Variants in MAPK11 observed in about 807,000 individuals in gnomAD.
The protein encoded by MAPK11 is MAP kinase 11.
MAPK11 carries 44 observed loss-of-function variants against 52.2 expected under a neutral mutation model. The ratio of observed to expected loss-of-function variants is 0.84; its 90% CI spans 0.66 to 1.08. The LOEUF is 1.08. MAPK11 is among the 50% of genes least tolerant of loss of function. The pLI, the probability that MAPK11 is intolerant of heterozygous loss-of-function variation, is 0.00. For synonymous variants in MAPK11, 233 were observed against 206.3 expected (o/e 1.13, Z -1.11); for missense variants, 436 against 494.7 (o/e 0.88, Z 1.13).
chr22:50,266,176 TG>T, intron 9 of MAPK11, 49 bp downstream of exon 9: 1 of 1,452,392 alleles, frequency 6.9e-7, no homozygotes, highest in Non-Finnish European at 9.4e-7. Context: ...CCAGAGAGCC[TG>T]GGGGCTCAGC....
Position 50,270,142 on chromosome 22 carries a change from G to A in MAPK11, c.116+35C>T. 2 of 1,157,058 alleles carry A rather than the reference G, an allele frequency of 1.7e-6. No homozygotes were observed. Among genetic ancestry groups the A allele is most frequent in the South Asian group, 1.9e-5 (1 of 51,756 alleles). 71.7% of individuals were successfully genotyped at this position (1,157,058 alleles called of 1,614,324 possible). A position where few individuals can be genotyped will look rare whatever the true frequency, so the allele number is the denominator to read the frequency against. ...GGGACGCGCTCTCCGGCCCGGCCCG[G>A]CCCCCACCCAGCACCCCTTCTGCCC... On this transcript the variant is annotated intron_variant, in intron 1 of 11. Transcript: ENST00000330651. The surrounding 1 kb of genome is among the most constrained non-coding windows in gnomAD (Gnocchi z 6.3).
rs201592296 is a variant in MAPK11, at chr22:50,266,544, G to A, written c.678C>T (p.Ser226=). 5.9e-6 allele frequency: 9 copies of A among 1,517,624 alleles called. No individual in the cohort carries two copies. Among genetic ancestry groups the A allele is most frequent in the East Asian group, 2.3e-5 (1 of 44,018 alleles). The allele number at this position is 1,517,624 out of a possible 1,614,324, so 94.0% of individuals were successfully genotyped here. Residue 226 remains serine (S), a synonymous_variant, in exon 8 of 12, where the codon AGC becomes AGT. Transcript: ENST00000330651. The part of the protein sequence containing the change: ...LLQGKALFPG[S]DYIDQLKRIM... Reference sequence around the variant, plus strand: ...CCCAACCTGGGCCAAGGATACAGTCGCTTCCCGGGAAGAGGGCCTTGCCCT... The same window carrying A: ...CCCAACCTGGGCCAAGGATACAGTCACTTCCCGGGAAGAGGGCCTTGCCCT...
Position 50,267,015 on chromosome 22 carries a change from C to G in MAPK11, c.529G>C (p.Glu177Gln), listed in dbSNP as rs202139039. The G allele has an allele frequency of 6.2e-7, 1 of 1,612,566 alleles. No individual in the cohort carries two copies. Among genetic ancestry groups the G allele is most frequent in the Non-Finnish European group, 8.5e-7 (1 of 1,179,824 alleles). Reference sequence around the variant, plus strand: ...GTGGCCACATAGCCGGTCATCTCCTCGTCCGCCTGGCGCGCCAGCCCAAAA... The same window carrying G: ...GTGGCCACATAGCCGGTCATCTCCTGGTCCGCCTGGCGCGCCAGCCCAAAA... ...LDFGLARQAD[E>Q]EMTGYVATRW... Residue 177 changes from glutamate to glutamine, a missense_variant, in exon 7 of 12, where the codon GAG becomes CAG. Coordinates refer to ENST00000330651, the MANE Select transcript of MAPK11 (RefSeq NM_002751.7).
In MAPK11 at chr22:50,265,341, C is replaced by T. The variant is rs368652751; in HGVS notation, c.995G>A (p.Arg332His). ...CTCACCCTTCCACTCCTCCAGCGTG[C>T]GCTCCTTGGCCTCAACGCTCTCATC... ...PYDESVEAKE[R>H]TLEEWKELTY... Residue 332 changes from arginine (R) to histidine (H), a missense_variant, in exon 11 of 12, where the codon CGC becomes CAC. Physicochemically the swap from Arg to His is conservative, Grantham distance 29. Coordinates refer to ENST00000330651, the MANE Select transcript of MAPK11 (RefSeq NM_002751.7). 22 of 1,613,102 alleles carry T rather than the reference C, an allele frequency of 1.4e-5. No individual in the cohort carries two copies. The highest frequency in any genetic ancestry group is 8.9e-5 in the East Asian group (4 of 44,898).
chr22:50,266,550 C>G lies in MAPK11; in HGVS notation c.672G>C (p.Pro224=). 1 of 1,518,190 alleles carries G rather than the reference C, an allele frequency of 6.6e-7. No homozygotes were observed. The highest frequency in any genetic ancestry group is 1.3e-5 in the South Asian group (1 of 75,560). The allele number at this position is 1,518,190 out of a possible 1,614,324, so 94.0% of individuals were successfully genotyped here. Residue 224 remains proline (P), a synonymous_variant, in exon 8 of 12, where the codon CCG becomes CCC. Coordinates refer to ENST00000330651, the MANE Select transcript of MAPK11 (RefSeq NM_002751.7). ...AELLQGKALF[P]GSDYIDQLKR... ...CTGGGCCAAGGATACAGTCGCTTCC[C>G]GGGAAGAGGGCCTTGCCCTGGAGCA... is the stretch of plus-strand genomic sequence containing the variant.
rs760884163 is a variant in MAPK11, at chr22:50,266,876, C to T, written c.610+58G>A. The T allele has an allele frequency of 7.3e-6, 11 of 1,499,478 alleles. No individual in the cohort carries two copies. The East Asian group carries it at 2.3e-4, about 31-fold the overall frequency. 92.9% of individuals were successfully genotyped at this position (1,499,478 alleles called of 1,614,324 possible). ...CCCCCTAAGACCTGGCATGCAGAGCCAGTCGAGGGCCAGACGAGGCCCTTG... is the reference window on the plus strand; with the variant it reads ...CCCCCTAAGACCTGGCATGCAGAGCTAGTCGAGGGCCAGACGAGGCCCTTG... On this transcript the variant is annotated intron_variant, in intron 7 of 11. Transcript: ENST00000330651.
intron 1 of MAPK11, among the ~76,000 whole-genome samples, chr22:50,269,088 C>G (rs1403860715): frequency 6.6e-6 from 1 of 152,142 alleles, no homozygotes; most frequent in African/African-American, 2.4e-5. Context: ...TCAGCAACTC[C>G]CAGACGGCGA....
In MAPK11 at chr22:50,267,116, A is replaced by G; in HGVS notation, c.495+11T>C. The G allele has an allele frequency of 1.2e-6, 2 of 1,611,558 alleles. No individual in the cohort carries two copies. The highest frequency in any genetic ancestry group is 1.7e-6 in the Non-Finnish European group (2 of 1,179,464). ...GCCGCCGCCCTGCCCACCCCTGCCCACGGGCCTCACCCTGAGCTCACAGTC... is the reference window on the plus strand; with the variant it reads ...GCCGCCGCCCTGCCCACCCCTGCCCGCGGGCCTCACCCTGAGCTCACAGTC... On this transcript the variant is annotated intron_variant, in intron 6 of 11. Coordinates refer to ENST00000330651, the MANE Select transcript of MAPK11 (RefSeq NM_002751.7).
At chr22:50,268,044 G>T in intron 1 of MAPK11, 95 bp from the exon 2 acceptor site, 1 of 1,352,174 alleles carries the variant, frequency 7.4e-7, no homozygotes, top group Non-Finnish European at 9.6e-7. Context: ...GCTTCTCCGT[G>T]GGGATGGGGC....
rs1258712994 is a variant in MAPK11 at position 50,265,484 on chromosome 22, G to A, written c.852C>T (p.Leu284=). The part of the protein sequence containing the change: ...FRGANPLAID[L]LGRMLVLDSD... The stretch of plus-strand genomic sequence containing the variant: ...TGTCCAGCACCAGCATCCTTCCAAG[G>A]AGGTCTATGGCTGCAGGGAAGCCAG... The change falls in exon 11 of 12, where the codon CTC becomes CTT. Residue 284 remains leucine, a synonymous_variant. Coordinates refer to ENST00000330651, the MANE Select transcript of MAPK11 (RefSeq NM_002751.7). The A allele has an allele frequency of 6.2e-7, 1 of 1,613,036 alleles. No homozygotes were observed. Among genetic ancestry groups the A allele is most frequent in the African/African-American group, 1.3e-5 (1 of 74,930 alleles).
In MAPK11 at chr22:50,265,309, T is replaced by A. The variant is rs1281263192; in HGVS notation, c.1015+12A>T. 2 of 1,611,810 alleles carry A rather than the reference T, an allele frequency of 1.2e-6. No homozygotes were observed. The highest frequency in any genetic ancestry group is 2.7e-5 in the African/African-American group (2 of 74,890). ...GGCCCCTGGACCCACCCCCAGCCAC[T>A]GCCATGCTCACCCTTCCACTCCTCC... On this transcript the variant is annotated intron_variant, in intron 11 of 11. Coordinates refer to ENST00000330651, the MANE Select transcript of MAPK11 (RefSeq NM_002751.7).
At position 50,264,960 on chromosome 22, in the gene MAPK11, C is replaced by T. The variant is rs756325546; in HGVS notation, c.1083G>A (p.Glu361=). ...GCTGGGCAGCACCTCACTGCTCAAT[C>T]TCCAGGCTGCCAGGTGGCTTCGGTG... ...PEPPKPPGSL[E]IEQ Residue 361 remains glutamate (E), a synonymous_variant, in exon 12 of 12, where the codon GAG becomes GAA. Transcript: ENST00000330651. 4 of 1,611,976 alleles carry T rather than the reference C, an allele frequency of 2.5e-6. No individual in the cohort carries two copies. The highest frequency in any genetic ancestry group is 2.5e-6 in the Non-Finnish European group (3 of 1,179,404).
chr22:50,270,335 CCGCGCCCG>C lies in MAPK11; in HGVS notation c.-51_-44del. The C allele has an allele frequency of 1.2e-6, 1 of 831,904 alleles. No individual in the cohort carries two copies. The highest frequency in any genetic ancestry group is 1.5e-6 in the Non-Finnish European group (1 of 661,918). The allele number at this position is 831,904 out of a possible 1,614,324, so 51.5% of individuals were successfully genotyped here. A position where few individuals can be genotyped will look rare whatever the true frequency, so the allele number is the denominator to read the frequency against. On this transcript the variant is annotated 5_prime_UTR_variant, in exon 1 of 12. Transcript: ENST00000330651. The surrounding 1 kb of genome is among the most constrained non-coding windows in gnomAD (Gnocchi z 6.3). Reference sequence around the variant, plus strand: ...CTCCGCCCGGGCCCAGCCCCGCGCCCCGCGCCCGCGCCCGAGCCGAGCCCGAGCCGAGC... The same window carrying C: ...CTCCGCCCGGGCCCAGCCCCGCGCCCCGCCCGAGCCGAGCCCGAGCCGAGC...
At chr22:50,265,896 T>A in intron 9 of MAPK11, among the ~76,000 whole-genome samples, 1 of 139,926 alleles carries the variant, frequency 7.1e-6, no homozygotes. Flanking sequence ...CCACCCCCAC[T>A]GCCCTGGCCA....
At chr22:50,268,073 C>G in intron 1 of MAPK11, 124 bp from the exon 2 acceptor site, 21 of 964,796 alleles carry the variant, frequency 2.2e-5, no homozygotes, top group East Asian at 3.4e-5. Flanking sequence ...TTTTCTGCCC[C>G]GGCCCCGCCG....
In MAPK11 at chr22:50,270,222, A is replaced by T; in HGVS notation, c.71T>A (p.Leu24Gln). Residue 24 changes from leucine (L) to glutamine (Q), a missense_variant, in exon 1 of 12, where the codon CTG becomes CAG. Leu to Gln is a moderately radical substitution (Grantham distance 113). Coordinates refer to ENST00000330651, the MANE Select transcript of MAPK11 (RefSeq NM_002751.7). The surrounding 1 kb of genome is among the most constrained non-coding windows in gnomAD (Gnocchi z 6.3). The stretch of plus-strand genomic sequence containing the variant: ...GGAGCCCACCGGGCGCAGCCCCTGC[A>T]GCCGCTGCGGCACCTCCCACACGGT... ...NKTVWEVPQR[L>Q]QGLRPVGSGA... 6.6e-7 allele frequency: 1 copy of T among 1,507,556 alleles called. No individual in the cohort carries two copies. Among genetic ancestry groups the T allele is most frequent in the South Asian group, 1.2e-5 (1 of 80,462 alleles). The allele number at this position is 1,507,556 out of a possible 1,614,324, so 93.4% of individuals were successfully genotyped here. A position where few individuals can be genotyped will look rare whatever the true frequency, so the allele number is the denominator to read the frequency against.
Position 50,267,122 on chromosome 22 carries a change from C to T in MAPK11, c.495+5G>A. ...GCCCTGCCCACCCCTGCCCACGGGC[C>T]TCACCCTGAGCTCACAGTCCTCGTT... is the stretch of plus-strand genomic sequence containing the variant. On this transcript the variant is annotated splice_donor_5th_base_variant and intron_variant, in intron 6 of 11. Transcript: ENST00000330651. 6.2e-7 allele frequency: 1 copy of T among 1,611,974 alleles called. No individual in the cohort carries two copies. Among genetic ancestry groups the T allele is most frequent in the Non-Finnish European group, 8.5e-7 (1 of 1,179,614 alleles).
intron 2 of MAPK11, 35 bp from the exon 3 acceptor site, chr22:50,267,662 A>AC: frequency 4.0e-6 from 6 of 1,507,300 alleles, no homozygotes; most frequent in South Asian, 1.3e-5. Flanking sequence ...CGGGCGACGA[A>AC]CCCCCGGCTG....
In MAPK11 at chr22:50,270,182, G is replaced by T; in HGVS notation, c.111C>A (p.Ser37=). The T allele has an allele frequency of 1.4e-6, 2 of 1,442,982 alleles. No individual in the cohort carries two copies. The highest frequency in any genetic ancestry group is 1.3e-5 in the South Asian group (1 of 74,864). The allele number at this position is 1,442,982 out of a possible 1,614,324, so 89.4% of individuals were successfully genotyped here. Residue 37 remains serine, a synonymous_variant, in exon 1 of 12, where the codon TCC becomes TCA. Transcript: ENST00000330651. This position sits in a 1 kb window ranked among gnomAD's most constrained non-coding sequence, Gnocchi z 6.3. ...LRPVGSGAYG[S]VCSAYDARLR... ...CCCTTCTGCCCCGCCCCTACCAGAC[G>T]GAGCCGTAGGCGCCGGAGCCCACCG... is the stretch of plus-strand genomic sequence containing the variant.
Sources: gnomAD v4.1 joint callset for allele counts (sites outside exome capture counted in the v4.1 genomes callset) on GRCh38, gnomAD v4.1.1 for gene constraint, Gnocchi (gnomAD v3.1) non-coding constraint, MANE v1.5 for transcripts, NCBI Gene and HGNC (gene_info 2026-07-23, HGNC 2026-07-21) for gene names.